KAT6B: variants seen among roughly 807,000 people sequenced by gnomAD.
The protein encoded by KAT6B is histone acetyltransferase KAT6B.
KAT6B carries 10 observed loss-of-function variants against 187.5 expected under a neutral mutation model. The ratio of observed to expected loss-of-function variants is 0.05; its 90% CI spans 0.03 to 0.09. The LOEUF is 0.09. KAT6B is among the 10% of genes least tolerant of loss of function. The pLI is 1.00. For missense variants in KAT6B, 1,952 were observed against 2,558.9 expected (o/e 0.76, Z 5.12); for synonymous variants, 861 against 926.8 (o/e 0.93, Z 1.29).
At chr10:74,857,486 T>C (rs1473127938) in intron 3 of KAT6B, among the ~76,000 whole-genome samples, 2 of 152,192 alleles carry the variant, frequency 1.3e-5, no homozygotes, top group East Asian at 1.9e-4. Flanking sequence ...TATTATTAGA[T>C]TGAGCCCATT....
rs201992917 is a variant in KAT6B, at chr10:74,979,031, G to GA, written c.2116-187dup. 9.7e-3 allele frequency among the ~76,000 whole-genome samples: 1,472 copies of GA among 152,132 alleles called. 29 individuals carry two copies. Among genetic ancestry groups the GA allele is most frequent in the African/African-American group, 0.033 (1,359 of 41,502 alleles). On this transcript the variant is annotated intron_variant, in intron 9 of 17. Coordinates refer to ENST00000287239, the MANE Select transcript of KAT6B (RefSeq NM_012330.4). ...AAAAGTAATTGTGGTTTTTGCCATT[G>GA]AAAAAATTATAAAAACAGTAATTAC...
At chr10:75,026,629 T>G (rs955486459) in intron 17 of KAT6B, among the ~76,000 whole-genome samples, 5 of 144,478 alleles carry the variant, frequency 3.5e-5, no homozygotes, top group African/African-American at 2.5e-5. Context: ...ATTCTTTGGG[T>G]TTTTTTTTTT....
chr10:74,976,801 G>A, intron 8 of KAT6B: 1 of 283,522 alleles, frequency 3.5e-6, no homozygotes, highest in Non-Finnish European at 6.8e-6. Context: ...AGCAAAGCCT[G>A]ATCTGTGACT....
At chr10:74,954,138 T>A (rs974390814) in intron 3 of KAT6B, among the ~76,000 whole-genome samples, 2 of 152,234 alleles carry the variant, frequency 1.3e-5, no homozygotes, top group Non-Finnish European at 2.9e-5. Context: ...TATACTGTTG[T>A]GTCCTCAGCA....
intron 3 of KAT6B, among the ~76,000 whole-genome samples, chr10:74,932,848 C>T (rs1848985778): frequency 6.6e-6 from 1 of 152,222 alleles, no homozygotes; most frequent in Non-Finnish European, 1.5e-5. Context: ...ATCCGTGCCA[C>T]TGCCACTTGG....
chr10:74,977,588 A>T, intron 9 of KAT6B, 151 bp downstream of exon 9: 1 of 1,009,066 alleles, frequency 9.9e-7, no homozygotes, highest in South Asian at 1.3e-5. Flanking sequence ...CTGACTGTAC[A>T]TTCAAAAGCA....
At chr10:74,938,549 G>A (rs905190952) in intron 3 of KAT6B, among the ~76,000 whole-genome samples, 1 of 152,074 alleles carries the variant, frequency 6.6e-6, no homozygotes, top group African/African-American at 2.4e-5. Context: ...GTATAGATGG[G>A]TCTATGCTTA....
At chr10:74,954,814 G>C (rs1840562875) in intron 3 of KAT6B, among the ~76,000 whole-genome samples, 1 of 152,070 alleles carries the variant, frequency 6.6e-6, no homozygotes, top group African/African-American at 2.4e-5. Flanking sequence ...TATTCACTTG[G>C]TCTCCTGTTT....
chr10:74,835,867 G>C (rs1433915034), intron 1 of KAT6B, among the ~76,000 whole-genome samples: 1 of 151,986 alleles, frequency 6.6e-6, no homozygotes, highest in African/African-American at 2.4e-5. Flanking sequence ...CCATTAAAAA[G>C]TGAACAAATC....
Position 74,970,022 on chromosome 10 carries a change from T to C in KAT6B, c.849T>C (p.Asp283=), listed in dbSNP as rs1386860390. 2 of 1,605,490 alleles carry C rather than the reference T, an allele frequency of 1.2e-6. No homozygotes were observed. The highest frequency in any genetic ancestry group is 1.1e-5 in the South Asian group (1 of 90,854). The change falls in exon 6 of 18, where the codon GAT becomes GAC. Residue 283 remains aspartate, a splice_region_variant and synonymous_variant. Transcript: ENST00000287239. ...SACRVQGRNA[D]NMLFCDSCDR... ...GTCTCTAATATGTTATATTACAGGATAATATGCTTTTTTGTGATTCCTGTG... is the reference window on the plus strand; with the variant it reads ...GTCTCTAATATGTTATATTACAGGACAATATGCTTTTTTGTGATTCCTGTG...
At chr10:74,936,945 T>G (rs1363835044) in intron 3 of KAT6B, among the ~76,000 whole-genome samples, 1 of 152,256 alleles carries the variant, frequency 6.6e-6, no homozygotes, top group Non-Finnish European at 1.5e-5. Flanking sequence ...TGTTTGTAAC[T>G]TTCATTCCTT....
At chr10:74,967,446 G>C (rs1021050281) in intron 4 of KAT6B, among the ~76,000 whole-genome samples, 2 of 152,174 alleles carry the variant, frequency 1.3e-5, no homozygotes, top group African/African-American at 4.8e-5. Context: ...AATTACTATA[G>C]ATTGTGCAGT....
rs529048783 is a variant in KAT6B, at chr10:74,934,180, C to T, written c.622-25790C>T. 5.3e-3 allele frequency among the ~76,000 whole-genome samples: 641 copies of T among 121,306 alleles called. 8 individuals carry two copies. The highest frequency in any genetic ancestry group is 0.025 in the African/African-American group (597 of 23,856). 79.6% of individuals were successfully genotyped at this position (121,306 alleles called of 152,430 possible). On this transcript the variant is annotated intron_variant, in intron 3 of 17. Coordinates refer to ENST00000287239, the MANE Select transcript of KAT6B (RefSeq NM_012330.4). ...CAGCCTGGGCAACAGGGCAAGACTCCGTCTCCAAAAAAAAAAAAAAAAAAA... is the reference window on the plus strand; with the variant it reads ...CAGCCTGGGCAACAGGGCAAGACTCTGTCTCCAAAAAAAAAAAAAAAAAAA...
At chr10:75,008,869 A>G (rs1844399346) in intron 13 of KAT6B, among the ~76,000 whole-genome samples, 2 of 152,248 alleles carry the variant, frequency 1.3e-5, no homozygotes, top group African/African-American at 4.8e-5. Flanking sequence ...TTTTTCATAA[A>G]TTAAGCATAA....
intron 11 of KAT6B, chr10:74,982,714 C>A (rs965944997): frequency 2.0e-5 from 3 of 152,528 alleles, no homozygotes; most frequent in Non-Finnish European, 4.4e-5. Context: ...TTGCACACTT[C>A]TGTTGTCTGC....
chr10:74,883,927 T>G (rs1482486823), intron 3 of KAT6B, among the ~76,000 whole-genome samples: 3 of 152,228 alleles, frequency 2.0e-5, no homozygotes, highest in Non-Finnish European at 4.4e-5. Flanking sequence ...TTATGTGCTG[T>G]TGAATGAGTC....
At chr10:74,867,371 A>G (rs1843627122) in intron 3 of KAT6B, among the ~76,000 whole-genome samples, 1 of 152,076 alleles carries the variant, frequency 6.6e-6, no homozygotes, top group Non-Finnish European at 1.5e-5. Context: ...GGAAGGCACT[A>G]GGACATTTTG....
intron 13 of KAT6B, among the ~76,000 whole-genome samples, chr10:74,999,934 G>T (rs187057103): frequency 1.3e-5 from 2 of 152,330 alleles, no homozygotes; most frequent in African/African-American, 4.8e-5. Context: ...CAGCACTTTG[G>T]GAGTCTGAGG....
chr10:74,910,315 A>G (rs1847110906), intron 3 of KAT6B, among the ~76,000 whole-genome samples: 1 of 152,040 alleles, frequency 6.6e-6, no homozygotes, highest in African/African-American at 2.4e-5. Context: ...TAACTAAACT[A>G]ATATTTCTCT....
Sources: allele counts gnomAD v4.1 joint callset (sites outside exome capture counted in the v4.1 genomes callset), GRCh38; gene constraint gnomAD v4.1.1; transcripts MANE v1.5; gene names NCBI Gene and HGNC (gene_info 2026-07-23, HGNC 2026-07-21).